RSBN1: variants seen among roughly 807,000 people sequenced by gnomAD.
RSBN1 encodes lysine-specific demethylase 9.
RSBN1 carries 23 observed loss-of-function variants against 74.8 expected under a neutral mutation model. The ratio of observed to expected loss-of-function variants is 0.31; its 90% confidence interval spans 0.22 to 0.44. The LOEUF is 0.44. Ranked by LOEUF, RSBN1 falls within the 20% of genes least tolerant of loss-of-function variation. The probability of loss-of-function intolerance (pLI) is 1.00; values close to 1 mark genes in which losing one functional copy is unlikely to be tolerated. For synonymous variants in RSBN1, 407 were observed against 379.6 expected (o/e 1.07, Z -0.84); for missense variants, 808 against 1,020.9 (o/e 0.79, Z 2.84).
chr1:113,804,097 C>G (rs1012134706), intron 1 of RSBN1, among the ~76,000 whole-genome samples: 2 of 151,900 alleles, frequency 1.3e-5, no homozygotes, highest in African/African-American at 4.8e-5. Flanking sequence ...TCACTACACT[C>G]CAGCCTGGGC....
At chr1:113,800,432 C>T (rs1660558807) in intron 1 of RSBN1, among the ~76,000 whole-genome samples, 2 of 151,710 alleles carry the variant, frequency 1.3e-5, no homozygotes, top group African/African-American at 2.4e-5. Context: ...AAATACTTTC[C>T]CCAATATCAA....
In RSBN1 at chr1:113,762,486, G is replaced by T. The variant is rs899447951; in HGVS notation, c.*3494C>A. On this transcript the variant is annotated 3_prime_UTR_variant, in exon 7 of 7. Transcript: ENST00000261441. ...TACGACCTGTTTGAAAAACAAAACA[G>T]ATGTGAACCTCTGGCATGTGCTAGC... 1.3e-5 allele frequency: 2 copies of T among 152,492 alleles called. No homozygotes were observed. Among genetic ancestry groups the T allele is most frequent in the African/African-American group, 4.8e-5 (2 of 41,452 alleles). 9.4% of individuals were successfully genotyped at this position (152,492 alleles called of 1,614,324 possible).
rs910352194 is a variant in RSBN1, at chr1:113,812,440, T to C, written c.-28A>G. ...CGGAAGCGGCCGTTCCCAGCTTTTC[T>C]CCGCAGGCCTCTCCAACCGAGCTTC... On this transcript the variant is annotated 5_prime_UTR_variant, in exon 1 of 7. Coordinates refer to ENST00000261441, the MANE Select transcript of RSBN1 (RefSeq NM_018364.5). The C allele has an allele frequency of 4.5e-6, 7 of 1,554,920 alleles. No individual in the cohort carries two copies. Among genetic ancestry groups the C allele is most frequent in the Non-Finnish European group, 6.0e-6 (7 of 1,157,632 alleles).
intron 1 of RSBN1, among the ~76,000 whole-genome samples, chr1:113,803,214 T>C (rs1660622095): frequency 6.6e-6 from 1 of 152,246 alleles, no homozygotes; most frequent in African/African-American, 2.4e-5. Flanking sequence ...AATATTCTAC[T>C]GTCTGGATGT....
chr1:113,777,639 T>C (rs1660058061), intron 3 of RSBN1, 32 bp downstream of exon 3: 1 of 1,587,236 alleles, frequency 6.3e-7, no homozygotes, highest in Non-Finnish European at 8.6e-7. Flanking sequence ...TAAGTAAAGA[T>C]CAAAACTTTA....
At chr1:113,806,958 A>G (rs1191696602) in intron 1 of RSBN1, among the ~76,000 whole-genome samples, 5 of 151,750 alleles carry the variant, frequency 3.3e-5, no homozygotes, top group Non-Finnish European at 5.9e-5. Flanking sequence ...GGCTAGAGTG[A>G]GCCATGATCA....
rs1659775649 is a variant in RSBN1, at chr1:113,766,140, AT to A, written c.2248del (p.Ile750PhefsTer4). 1.9e-6 allele frequency: 3 copies of A among 1,613,914 alleles called. No individual in the cohort carries two copies. The highest frequency in any genetic ancestry group is 2.5e-6 in the Non-Finnish European group (3 of 1,179,938). ...KTESEEACTE[I>X]QLLTTASSSF... ...TGATGAAGCAGTTGTTAACAGCTGAATCTCTGTGCATGCTTCTTCAGATTCA... is the reference window on the plus strand; with the variant it reads ...TGATGAAGCAGTTGTTAACAGCTGAACTCTGTGCATGCTTCTTCAGATTCA... On this transcript the variant is annotated frameshift_variant, in exon 7 of 7. Coordinates refer to ENST00000261441, the MANE Select transcript of RSBN1 (RefSeq NM_018364.5). LOFTEE classifies it high-confidence loss of function.
rs1410725040 is a variant in RSBN1, at chr1:113,764,483, CAAT to C, written c.*1494_*1496del. On this transcript the variant is annotated 3_prime_UTR_variant, in exon 7 of 7. Transcript: ENST00000261441. ...TGCTAATATGCATTTAACTACACAA[CAAT>C]ATTGCACAAAGTAATATTTATATAA... is the stretch of plus-strand genomic sequence containing the variant. 1 of 152,506 alleles carries C rather than the reference CAAT, an allele frequency of 6.6e-6. No individual in the cohort carries two copies. Among genetic ancestry groups the C allele is most frequent in the Non-Finnish European group, 1.5e-5 (1 of 67,978 alleles). The allele number at this position is 152,506 out of a possible 1,614,324, so 9.4% of individuals were successfully genotyped here.
At chr1:113,796,624 A>G (rs887877894) in intron 2 of RSBN1, among the ~76,000 whole-genome samples, 10 of 152,332 alleles carry the variant, frequency 6.6e-5, no homozygotes, top group African/African-American at 1.9e-4. Flanking sequence ...TTTATAATAT[A>G]TACTGCAGAA....
At chr1:113,771,933 A>T (rs1342820) in intron 4 of RSBN1, among the ~76,000 whole-genome samples, 151,377 of 151,802 alleles carry the variant, frequency 1, 75,477 homozygotes, top group Middle Eastern at 1. Context: ...ACTTTTTTTT[A>T]AAAGAAGTTA....
chr1:113,811,449 GA>G (rs1157037263), intron 1 of RSBN1, among the ~76,000 whole-genome samples: 1 of 152,192 alleles, frequency 6.6e-6, no homozygotes, highest in Non-Finnish European at 1.5e-5. Flanking sequence ...AAACCTTGCA[GA>G]ATTTGAAAAC....
intron 2 of RSBN1, among the ~76,000 whole-genome samples, chr1:113,794,236 A>G (rs1004659501): frequency 6.6e-6 from 1 of 152,160 alleles, no homozygotes; most frequent in African/African-American, 2.4e-5. Flanking sequence ...GACGTGGAGC[A>G]TTTATGACAT....
chr1:113,777,792 C>A lies in RSBN1; in HGVS notation c.1394G>T (p.Cys465Phe). Residue 465 changes from cysteine (C) to phenylalanine (F), a missense_variant, in exon 3 of 7, where the codon TGC becomes TTC. Physicochemically the swap from Cys to Phe is radical, Grantham distance 205. Coordinates refer to ENST00000261441, the MANE Select transcript of RSBN1 (RefSeq NM_018364.5). ...AGGACCTGCTCGGTAGGTGCCACAG[C>A]AGTATGTCCTGTTGACCTAAGATAA... ...NFHTQVNRTY[C>F]CGTYRAGPMR... is the part of the protein sequence containing the mutation. 2 of 1,595,704 alleles carry A rather than the reference C, an allele frequency of 1.3e-6. No individual in the cohort carries two copies. The highest frequency in any genetic ancestry group is 1.7e-6 in the Non-Finnish European group (2 of 1,168,924).
intron 1 of RSBN1, among the ~76,000 whole-genome samples, chr1:113,801,388 G>A (rs1418910194): frequency 6.6e-6 from 1 of 152,094 alleles, no homozygotes; most frequent in Non-Finnish European, 1.5e-5. Flanking sequence ...AAATCTCCAT[G>A]AGTAAACAAA....
At chr1:113,786,929 G>A (rs1660255290) in intron 2 of RSBN1, among the ~76,000 whole-genome samples, 1 of 152,154 alleles carries the variant, frequency 6.6e-6, no homozygotes, top group Non-Finnish European at 1.5e-5. Context: ...TAAATCTTTA[G>A]AATATATTGG....
chr1:113,774,114 T>G (rs1038032960), intron 4 of RSBN1, among the ~76,000 whole-genome samples: 5 of 152,174 alleles, frequency 3.3e-5, no homozygotes, highest in African/African-American at 1.2e-4. Context: ...ACATCTGACT[T>G]GAGGGTCAGG....
chr1:113,771,199 T>G (rs1026160276), intron 4 of RSBN1, among the ~76,000 whole-genome samples: 2 of 152,072 alleles, frequency 1.3e-5, no homozygotes, highest in African/African-American at 4.8e-5. Flanking sequence ...TAAATAATAT[T>G]AGATGCCAGA....
intron 4 of RSBN1, among the ~76,000 whole-genome samples, chr1:113,774,823 C>A (rs924270233): frequency 6.6e-6 from 1 of 152,132 alleles, no homozygotes; most frequent in Admixed American, 6.5e-5. Flanking sequence ...CCACTGCACT[C>A]CAGCCTAGGT....
chr1:113,809,106 C>A (rs1660777122), intron 1 of RSBN1, among the ~76,000 whole-genome samples: 2 of 151,388 alleles, frequency 1.3e-5, no homozygotes, highest in South Asian at 4.2e-4. Flanking sequence ...GAAGGAAGGA[C>A]ATAGCTTTGT....
Sources: gnomAD v4.1 joint callset for allele counts (sites outside exome capture counted in the v4.1 genomes callset) on GRCh38, gnomAD v4.1.1 for gene constraint, MANE v1.5 for transcripts, NCBI Gene and HGNC (gene_info 2026-07-23, HGNC 2026-07-21) for gene names.